CACNA2D1: variants seen among roughly 807,000 people sequenced by gnomAD.
CACNA2D1 encodes the protein voltage-dependent calcium channel subunit alpha-2/delta-1.
In CACNA2D1, 53 loss-of-function variants were observed where a neutral mutation model predicts 171.5. The ratio of observed to expected loss-of-function variants is 0.31; its 90% confidence interval spans 0.25 to 0.39. The LOEUF is 0.39. Ranked by LOEUF, CACNA2D1 falls within the 10% of genes least tolerant of loss-of-function variation. CACNA2D1 has a pLI of 1.00. For missense variants in CACNA2D1, 903 were observed against 1,299.8 expected (o/e 0.69, Z 4.69); for synonymous variants, 442 against 443.1 (o/e 1.00, Z 0.03).
At chr7:82,192,841 G>A (rs900380791) in intron 3 of CACNA2D1, among the ~76,000 whole-genome samples, 1 of 148,674 alleles carries the variant, frequency 6.7e-6, no homozygotes, top group Non-Finnish European at 1.5e-5. Flanking sequence ...TTTGATCTCC[G>A]TACTTTGAGA....
At chr7:82,263,932 T>C (rs1807471114) in intron 3 of CACNA2D1, among the ~76,000 whole-genome samples, 1 of 152,066 alleles carries the variant, frequency 6.6e-6, no homozygotes, top group Non-Finnish European at 1.5e-5. Flanking sequence ...AAACACATAA[T>C]ATGGGTTTTT....
intron 7 of CACNA2D1, 44 bp downstream of exon 7, chr7:82,084,725 A>G (rs1386535655): frequency 3.7e-6 from 6 of 1,610,334 alleles, no homozygotes; most frequent in African/African-American, 1.3e-5. Flanking sequence ...CTCCAGAAAC[A>G]TTGAGGCTGG....
At chr7:82,064,444 G>T in intron 8 of CACNA2D1, 90 bp from the exon 9 acceptor site, 1 of 973,430 alleles carries the variant, frequency 1.0e-6, no homozygotes. Flanking sequence ...TCTGAGACAA[G>T]GTTTTTTTCC....
At chr7:82,094,556 C>T (rs931812606) in intron 6 of CACNA2D1, among the ~76,000 whole-genome samples, 8 of 152,172 alleles carry the variant, frequency 5.3e-5, no homozygotes, top group African/African-American at 1.9e-4. Flanking sequence ...AGAGTTGACA[C>T]ATTAAATTTA....
At chr7:82,329,830 T>C (rs940680255) in intron 3 of CACNA2D1, among the ~76,000 whole-genome samples, 2 of 152,124 alleles carry the variant, frequency 1.3e-5, no homozygotes, top group Non-Finnish European at 1.5e-5. Flanking sequence ...AAATTATGAA[T>C]GTGGGTTTAG....
At chr7:82,382,547 T>G (rs887206592) in intron 1 of CACNA2D1, among the ~76,000 whole-genome samples, 2 of 152,164 alleles carry the variant, frequency 1.3e-5, no homozygotes, top group Admixed American at 1.3e-4. Context: ...ACAGAGACTA[T>G]TCAGAGAACT....
Position 82,060,179 on chromosome 7 carries a change from ATATATATAT to A in CACNA2D1, c.879+240_879+248del, listed in dbSNP as rs1562981367. Among the ~76,000 whole-genome samples the A allele has an allele frequency of 5.6e-4, 13 of 23,368 alleles. 2 individuals are homozygous for A. Among genetic ancestry groups the A allele is most frequent in the Non-Finnish European group, 7.1e-4 (11 of 15,394 alleles). The allele number at this position is 23,368 out of a possible 152,430, so 15.3% of individuals were successfully genotyped here. A position where few individuals can be genotyped will look rare whatever the true frequency, so the allele number is the denominator to read the frequency against. On this transcript the variant is annotated intron_variant, in intron 10 of 38. Transcript: ENST00000356860. ...TATATATATATAATATATATATATA[ATATATATAT>A]ATTATATATATATTATATATATAAT...
intron 2 of CACNA2D1, among the ~76,000 whole-genome samples, chr7:82,345,681 AGTGTGTGTGTGTGTGTGT>A (rs3054696): frequency 6.8e-6 from 1 of 146,348 alleles, no homozygotes; most frequent in Non-Finnish European, 1.5e-5. Flanking sequence ...TAGCTAAAGG[AGTGTGTGTGTGTGTGTGT>A]GTGTGTGTGT....
At chr7:82,155,385 A>T (rs1794278212) in intron 4 of CACNA2D1, among the ~76,000 whole-genome samples, 1 of 152,172 alleles carries the variant, frequency 6.6e-6, no homozygotes. Context: ...TCTCAAAGTA[A>T]GTATGTACCA....
chr7:82,066,671 C>T lies in CACNA2D1; in HGVS notation c.659-147G>A, dbSNP rs542165748. ...CAAATGAGAGATATCATTTTTAAGC[C>T]CTTATATTGCTTTAACATGGAAAAC... On this transcript the variant is annotated intron_variant, in intron 7 of 38. Coordinates refer to ENST00000356860, the MANE Select transcript of CACNA2D1 (RefSeq NM_000722.4). The T allele has an allele frequency of 9.0e-6, 11 of 1,227,126 alleles. No homozygotes were observed. The African/African-American group carries it at 1.4e-4, about 15-fold the overall frequency. 76.0% of individuals were successfully genotyped at this position (1,227,126 alleles called of 1,614,324 possible).
chr7:82,245,726 T>G (rs548453566), intron 3 of CACNA2D1, among the ~76,000 whole-genome samples: 3 of 151,798 alleles, frequency 2.0e-5, no homozygotes, highest in Non-Finnish European at 4.4e-5. Context: ...AAATTCACTT[T>G]AAAGGGAAGA....
chr7:82,185,764 T>TA (rs1797670328), intron 3 of CACNA2D1, among the ~76,000 whole-genome samples: 1 of 152,052 alleles, frequency 6.6e-6, no homozygotes, highest in Non-Finnish European at 1.5e-5. Flanking sequence ...GATGTTCTTT[T>TA]AAGAGATTTA....
chr7:82,308,360 C>T, intron 3 of CACNA2D1, among the ~76,000 whole-genome samples: 1 of 152,178 alleles, frequency 6.6e-6, no homozygotes, highest in East Asian at 1.9e-4. Context: ...TCTAGGAACG[C>T]TGATATGCCT....
At chr7:82,028,201 T>G (rs1294707701) in intron 12 of CACNA2D1, 1 of 151,746 alleles carries the variant, frequency 6.6e-6, no homozygotes, top group Non-Finnish European at 1.5e-5. Flanking sequence ...TCCAAAAATC[T>G]CAGGGTCCTT....
At chr7:82,145,802 T>C (rs1366204463) in intron 4 of CACNA2D1, among the ~76,000 whole-genome samples, 1 of 144,752 alleles carries the variant, frequency 6.9e-6, no homozygotes. Flanking sequence ...ACACATTCAT[T>C]CACTTTATCC....
intron 3 of CACNA2D1, among the ~76,000 whole-genome samples, chr7:82,225,229 A>C (rs1802229013): frequency 6.6e-6 from 1 of 152,226 alleles, no homozygotes; most frequent in Admixed American, 6.5e-5. Context: ...GGATGCAGCA[A>C]GGAAATAAAG....
At chr7:82,198,667 CTTT>C (rs11333417) in intron 3 of CACNA2D1, among the ~76,000 whole-genome samples, 69 of 139,472 alleles carry the variant, frequency 4.9e-4, no homozygotes, top group African/African-American at 1.7e-3. Flanking sequence ...ATATCTGGAA[CTTT>C]TTTTTTTTTT....
intron 10 of CACNA2D1, among the ~76,000 whole-genome samples, chr7:82,060,225 A>ATATATAT (rs2128973677): frequency 3.1e-5 from 2 of 64,086 alleles, no homozygotes; most frequent in Non-Finnish European, 6.2e-5. Context: ...TATATATAAT[A>ATATATAT]TATATATATA....
In CACNA2D1 at chr7:81,978,772, C is replaced by T. The variant is rs1211093252; in HGVS notation, c.1955+3795G>A. Among the ~76,000 whole-genome samples, 987 of 108,292 alleles carry T rather than the reference C, an allele frequency of 9.1e-3. 8 individuals carry two copies. Among genetic ancestry groups the T allele is most frequent in the African/African-American group, 0.025 (716 of 28,116 alleles). 71.0% of individuals were successfully genotyped at this position (108,292 alleles called of 152,430 possible). A position where few individuals can be genotyped will look rare whatever the true frequency, so the allele number is the denominator to read the frequency against. On this transcript the variant is annotated intron_variant, in intron 24 of 38. Coordinates refer to ENST00000356860, the MANE Select transcript of CACNA2D1 (RefSeq NM_000722.4). ...AAAAGTGTATATATATATATATATA[C>T]ACACACACACACACTGTTCAAAACA...
Sources: gnomAD v4.1 joint callset for allele counts (sites outside exome capture counted in the v4.1 genomes callset) on GRCh38, gnomAD v4.1.1 for gene constraint, MANE v1.5 for transcripts, NCBI Gene and HGNC (gene_info 2026-07-23, HGNC 2026-07-21) for gene names.